Variants in KCNH7 observed in about 807,000 individuals in gnomAD.
The protein encoded by KCNH7 is voltage-gated inwardly rectifying potassium channel KCNH7.
A neutral mutation model predicts 120.8 loss-of-function variants in KCNH7; 49 were observed. The observed-to-expected ratio is 0.41, with a 90% CI of 0.32 to 0.51. The LOEUF is 0.51. KCNH7 is among the 20% of genes least tolerant of loss of function. The pLI, the probability that KCNH7 is intolerant of heterozygous loss-of-function variation, is 0.38. For synonymous variants in KCNH7, 547 were observed against 516.1 expected, an observed-to-expected ratio of 1.06 and a Z score of -0.81; for missense variants, 1,097 against 1,446.6, an observed-to-expected ratio of 0.76 and a Z score of 3.92.
intron 2 of KCNH7, among the ~76,000 whole-genome samples, chr2:162,772,665 T>G (rs773604081): frequency 8.5e-5 from 13 of 152,182 alleles, no homozygotes; most frequent in Non-Finnish European, 1.8e-4. Flanking sequence ...AAAGCCCCAT[T>G]TGAACACACA....
intron 2 of KCNH7, among the ~76,000 whole-genome samples, chr2:162,826,195 G>A (rs1028883698): frequency 3.3e-5 from 5 of 152,110 alleles, no homozygotes; most frequent in East Asian, 1.9e-4. Flanking sequence ...CTTCCAATGT[G>A]TAGAGAAAGA....
chr2:162,550,379 G>T (rs915219776), intron 2 of KCNH7, among the ~76,000 whole-genome samples: 1 of 152,226 alleles, frequency 6.6e-6, no homozygotes, highest in East Asian at 1.9e-4. Flanking sequence ...CTGGCTTCTT[G>T]TTGGGTTTCA....
Position 162,513,148 on chromosome 2 carries a change from C to G in KCNH7, c.893-474G>C, listed in dbSNP as rs571394684. On this transcript the variant is annotated intron_variant, in intron 4 of 15. Transcript: ENST00000332142. ...AATGTTTCTAAGATAACAGTTCCTT[C>G]CTTCCTCCCTCCCTCCCTCCCTTCT... Among the ~76,000 whole-genome samples, 62 of 133,122 alleles carry G rather than the reference C, an allele frequency of 4.7e-4. 1 individual carries two copies. The East Asian group carries it at 0.014, about 31-fold the overall frequency. The allele number at this position is 133,122 out of a possible 152,430, so 87.3% of individuals were successfully genotyped here. A position where few individuals can be genotyped will look rare whatever the true frequency, so the allele number is the denominator to read the frequency against.
rs1206513801 is a variant in KCNH7, at chr2:162,371,497, A to C, written c.*332T>G. The C allele has an allele frequency of 8.0e-7, 1 of 1,242,804 alleles. No individual in the cohort carries two copies. Among genetic ancestry groups the C allele is most frequent in the Non-Finnish European group, 1.0e-6 (1 of 967,012 alleles). The allele number at this position is 1,242,804 out of a possible 1,614,324, so 77.0% of individuals were successfully genotyped here. On this transcript the variant is annotated 3_prime_UTR_variant, in exon 16 of 16. Coordinates refer to ENST00000332142, the MANE Select transcript of KCNH7 (RefSeq NM_033272.4). ...TGCGTGGAAGGCATTTTCATAACGA[A>C]GTACTGGTTTAGTAAAAGCAGTAAA...
intron 6 of KCNH7, among the ~76,000 whole-genome samples, chr2:162,502,649 T>C (rs1690723172): frequency 6.6e-6 from 1 of 152,112 alleles, no homozygotes; most frequent in South Asian, 2.1e-4. Flanking sequence ...ATTCTTCCCT[T>C]ATAGTAGAAT....
intron 2 of KCNH7, among the ~76,000 whole-genome samples, chr2:162,688,944 A>G (rs1241682542): frequency 6.6e-6 from 1 of 151,688 alleles, no homozygotes; most frequent in Admixed American, 6.6e-5. Flanking sequence ...TTGAGCCTCA[A>G]TTTTCTTATC....
intron 2 of KCNH7, among the ~76,000 whole-genome samples, chr2:162,600,051 G>A (rs1258458190): frequency 6.6e-6 from 1 of 152,140 alleles, no homozygotes; most frequent in African/African-American, 2.4e-5. Context: ...TTCTAGTCCT[G>A]TCTTTCAAGG....
At chr2:162,580,658 A>G (rs1205854247) in intron 2 of KCNH7, among the ~76,000 whole-genome samples, 3 of 152,084 alleles carry the variant, frequency 2.0e-5, no homozygotes, top group African/African-American at 7.2e-5. Flanking sequence ...CTGGATGAGC[A>G]ATTAATTATT....
At chr2:162,568,915 C>T (rs993159289) in intron 2 of KCNH7, among the ~76,000 whole-genome samples, 9 of 151,898 alleles carry the variant, frequency 5.9e-5, no homozygotes, top group African/African-American at 9.7e-5. Flanking sequence ...CTGCTGGATT[C>T]GGTTTGCCAG....
chr2:162,674,272 A>T (rs1685461792), intron 2 of KCNH7, among the ~76,000 whole-genome samples: 1 of 151,792 alleles, frequency 6.6e-6, no homozygotes, highest in Non-Finnish European at 1.5e-5. Flanking sequence ...ATTATTGAGT[A>T]ATTAAGTATA....
Position 162,380,492 on chromosome 2 carries a change from T to C in KCNH7, c.2963-471A>G, listed in dbSNP as rs80155384. On this transcript the variant is annotated intron_variant, in intron 13 of 15. Coordinates refer to ENST00000332142, the MANE Select transcript of KCNH7 (RefSeq NM_033272.4). ...CAAGAAGAGAGCCTTAGAGAAGTGC[T>C]GATCTTCAGGGTGATTCTCTTTGGC... Among the ~76,000 whole-genome samples the C allele has an allele frequency of 9.0e-3, 1,374 of 152,200 alleles. 11 individuals are homozygous for C. The highest frequency in any genetic ancestry group is 0.012 in the Non-Finnish European group (850 of 68,016).
At chr2:162,430,575 C>G (rs924054790) in intron 8 of KCNH7, among the ~76,000 whole-genome samples, 3 of 152,030 alleles carry the variant, frequency 2.0e-5, no homozygotes, top group Admixed American at 1.3e-4. Context: ...CAAGATAACA[C>G]GTGGCCCATA....
intron 2 of KCNH7, among the ~76,000 whole-genome samples, chr2:162,582,525 G>T (rs757997739): frequency 6.6e-6 from 1 of 152,010 alleles, no homozygotes; most frequent in South Asian, 2.1e-4. Context: ...AACATACAGC[G>T]CTTTGACTCT....
At chr2:162,834,596 C>T (rs1314192839) in intron 2 of KCNH7, among the ~76,000 whole-genome samples, 3 of 151,898 alleles carry the variant, frequency 2.0e-5, no homozygotes, top group Non-Finnish European at 2.9e-5. Context: ...GAAAATCCTT[C>T]AAATAGAAAG....
chr2:162,426,902 G>A (rs1211590306), intron 8 of KCNH7, among the ~76,000 whole-genome samples: 1 of 151,822 alleles, frequency 6.6e-6, no homozygotes, highest in East Asian at 1.9e-4. Flanking sequence ...CAACCACCGA[G>A]CTCCTTTATG....
intron 2 of KCNH7, among the ~76,000 whole-genome samples, chr2:162,708,896 C>T (rs1344545263): frequency 1.3e-5 from 2 of 151,974 alleles, no homozygotes; most frequent in African/African-American, 4.8e-5. Context: ...TTTGGAATCA[C>T]CTAATACTGG....
intron 10 of KCNH7, among the ~76,000 whole-genome samples, chr2:162,398,527 C>T (rs190990401): frequency 6.6e-6 from 1 of 151,772 alleles, no homozygotes; most frequent in Non-Finnish European, 1.5e-5. Flanking sequence ...TCCTGACATT[C>T]TTTATAGTTT....
At chr2:162,552,439 T>C (rs1392467937) in intron 2 of KCNH7, among the ~76,000 whole-genome samples, 2 of 152,190 alleles carry the variant, frequency 1.3e-5, no homozygotes, top group Non-Finnish European at 2.9e-5. Context: ...AAATCGGGCA[T>C]CTCTGGCTAG....
At chr2:162,661,455 A>C (rs900029855) in intron 2 of KCNH7, among the ~76,000 whole-genome samples, 1 of 152,314 alleles carries the variant, frequency 6.6e-6, no homozygotes, top group Admixed American at 6.5e-5. Flanking sequence ...ATGGTTGGGA[A>C]TCTTTAATTT....
Sources: allele counts gnomAD v4.1 joint callset (sites outside exome capture counted in the v4.1 genomes callset), GRCh38; gene constraint gnomAD v4.1.1; transcripts MANE v1.5; gene names NCBI Gene and HGNC (gene_info 2026-07-23, HGNC 2026-07-21).